Variants in ANKRD18A observed in about 807,000 individuals in gnomAD.
ANKRD18A encodes ankyrin repeat domain 18A.
ANKRD18A carries 72 observed loss-of-function variants against 110.6 expected under a neutral mutation model. That is an observed-to-expected ratio of 0.65 (90% confidence interval 0.54 to 0.79). The LOEUF (loss-of-function observed/expected upper bound fraction) is 0.79, where lower values mean the gene tolerates loss of function less well. ANKRD18A is among the 30% of genes least tolerant of loss of function. The probability of loss-of-function intolerance (pLI) is 0.00; values close to 1 mark genes in which losing one functional copy is unlikely to be tolerated. For missense variants in ANKRD18A, 934 were observed against 1,163.3 expected (o/e 0.80, Z 2.87); for synonymous variants, 305 against 410.3 (o/e 0.74, Z 3.10).
chr9:38,567,592 C>CT (rs1823513276), downstream of ANKRD18A: 1 of 152,772 alleles, frequency 6.5e-6, no homozygotes, highest in Non-Finnish European at 1.5e-5. Context: ...CACATGTTGC[C>CT]TGCTCTCCAT....
At chr9:38,569,017 C>T (rs1823544904), downstream of ANKRD18A, 1 of 985,228 alleles carries the variant, frequency 1.0e-6, no homozygotes, top group South Asian at 4.7e-5. Context: ...TTCCCAAGGC[C>T]CAGGTGCCAT....
At chr9:38,570,084 C>T (rs1823584511), downstream of ANKRD18A, among the ~76,000 whole-genome samples, 1 of 152,148 alleles carries the variant, frequency 6.6e-6, no homozygotes, top group Non-Finnish European at 1.5e-5. Flanking sequence ...TTCCTACTGA[C>T]CAGGTGGCCC....
At chr9:38,603,243 C>T (rs1353932131) in intron 6 of ANKRD18A, 31 bp from the exon 7 acceptor site, 8 of 1,550,568 alleles carry the variant, frequency 5.2e-6, no homozygotes, top group South Asian at 1.2e-5. Flanking sequence ...TTAGATATTC[C>T]TTCTGGAAAA....
chr9:38,577,984 A>G lies in ANKRD18A; in HGVS notation c.2412T>C (p.Asn804=). 6.4e-7 allele frequency: 1 copy of G among 1,571,102 alleles called. No homozygotes were observed. Among genetic ancestry groups the G allele is most frequent in the Non-Finnish European group, 8.7e-7 (1 of 1,155,106 alleles). ...DKKMLEEEVL[N]LKTHMEKDMV... The stretch of plus-strand genomic sequence containing the variant: ...TATCTTTTTCCATATGTGTCTTAAG[A>G]TTTAATACTTCTTCTTCCAACATCT... The change falls in exon 13 of 16, where the codon AAT becomes AAC. Residue 804 remains asparagine, a synonymous_variant. Coordinates refer to ENST00000399703, the MANE Select transcript of ANKRD18A (RefSeq NM_147195.4).
At position 38,612,565 on chromosome 9, in the gene ANKRD18A, T is replaced by G. The variant is rs542571157; in HGVS notation, c.496-1244A>C. 1.5e-3 allele frequency among the ~76,000 whole-genome samples: 216 copies of G among 143,916 alleles called. 2 individuals are homozygous for G. The highest frequency in any genetic ancestry group is 2.4e-3 in the Non-Finnish European group (161 of 67,176). 94.4% of individuals were successfully genotyped at this position (143,916 alleles called of 152,430 possible). On this transcript the variant is annotated intron_variant, in intron 3 of 15. Coordinates refer to ENST00000399703, the MANE Select transcript of ANKRD18A (RefSeq NM_147195.4). The stretch of plus-strand genomic sequence containing the variant: ...TGGGGTCTCACACTGTCACCCAGGC[T>G]GCAGTGCAGTGGCATGATCTCCGCT...
intron 9 of ANKRD18A, 106 bp from the exon 10 acceptor site, chr9:38,594,015 G>C (rs1824766900): frequency 2.6e-6 from 3 of 1,160,250 alleles, no homozygotes; most frequent in South Asian, 4.8e-5. Flanking sequence ...CACACACACA[G>C]ATTCACTTTC....
chr9:38,606,849 T>TATACATA (rs1364808385), intron 6 of ANKRD18A, among the ~76,000 whole-genome samples: 1 of 152,130 alleles, frequency 6.6e-6, no homozygotes, highest in African/African-American at 2.4e-5. Context: ...TAATTTCTTA[T>TATACATA]TTATATTAAT....
intron 12 of ANKRD18A, among the ~76,000 whole-genome samples, chr9:38,584,038 A>G (rs533449840): frequency 5.3e-5 from 8 of 152,220 alleles, no homozygotes; most frequent in Non-Finnish European, 1.2e-4. Context: ...CCTTATGCAG[A>G]GGAGGAGCCT....
At chr9:38,596,495 G>C (rs898498370) in intron 8 of ANKRD18A, 92 bp from the exon 9 acceptor site, 3 of 1,144,468 alleles carry the variant, frequency 2.6e-6, no homozygotes, top group Admixed American at 7.2e-5. Context: ...ATACATTCAT[G>C]CAATTAAAAG....
intron 15 of ANKRD18A, among the ~76,000 whole-genome samples, chr9:38,573,700 C>T (rs548433570): frequency 2.7e-5 from 4 of 150,090 alleles, no homozygotes; most frequent in Non-Finnish European, 5.9e-5. Context: ...AGTGACAGAG[C>T]GAAACTCCAT....
chr9:38,614,608 A>G (rs1258293663), intron 3 of ANKRD18A, among the ~76,000 whole-genome samples: 1 of 152,158 alleles, frequency 6.6e-6, no homozygotes, highest in African/African-American at 2.4e-5. Context: ...CAATCACTTC[A>G]GTTTCATCTC....
intron 11 of ANKRD18A, among the ~76,000 whole-genome samples, chr9:38,586,735 T>C (rs189991443): frequency 6.6e-6 from 1 of 152,226 alleles, no homozygotes. Context: ...CTGGCTAATT[T>C]TGTATTTTTA....
At chr9:38,567,019 A>G (rs1823499149), downstream of ANKRD18A, 1 of 152,246 alleles carries the variant, frequency 6.6e-6, no homozygotes, top group South Asian at 2.1e-4. Context: ...ATCTTTGAAT[A>G]TAAAGACATC....
At chr9:38,583,520 G>C (rs373881191) in intron 12 of ANKRD18A, among the ~76,000 whole-genome samples, 70 of 152,246 alleles carry the variant, frequency 4.6e-4, no homozygotes, top group African/African-American at 1.6e-3. Flanking sequence ...CTCCTGAGTA[G>C]CTGGGATTAC....
At chr9:38,584,467 A>G (rs1824288032) in intron 12 of ANKRD18A, among the ~76,000 whole-genome samples, 1 of 152,244 alleles carries the variant, frequency 6.6e-6, no homozygotes, top group Non-Finnish European at 1.5e-5. Context: ...GTGTTCTAAA[A>G]TTGATGTAAT....
In ANKRD18A at chr9:38,620,103, C is replaced by T. The variant is rs1419255576; in HGVS notation, c.183G>A (p.Leu61=). The change falls in exon 1 of 16, where the codon TTG becomes TTA. Residue 61 remains leucine, a synonymous_variant. Coordinates refer to ENST00000399703, the MANE Select transcript of ANKRD18A (RefSeq NM_147195.4). ...ERCLTRRFRD[L]DARDRKDRTV... ...ACCTGTCTTTTCTGTCGCGGGCGTC[C>T]AAGTCCCGGAACCTGCGCGTCAGGC... 1.9e-6 allele frequency: 3 copies of T among 1,556,272 alleles called. No individual in the cohort carries two copies. In the African/African-American group the frequency reaches 4.1e-5, roughly 21 times the overall value.
intron 12 of ANKRD18A, among the ~76,000 whole-genome samples, chr9:38,579,119 G>A (rs987872886): frequency 4.6e-5 from 7 of 152,126 alleles, no homozygotes; most frequent in Admixed American, 2.6e-4. Context: ...AATGAATAGC[G>A]CTGGGAAACT....
At chr9:38,577,511 A>G (rs1251260175) in intron 13 of ANKRD18A, among the ~76,000 whole-genome samples, 3 of 152,204 alleles carry the variant, frequency 2.0e-5, no homozygotes, top group Non-Finnish European at 4.4e-5. Context: ...AAAAAGTAAT[A>G]GAATCCATTT....
intron 6 of ANKRD18A, chr9:38,604,805 T>C (rs892543877): frequency 4.7e-5 from 7 of 149,260 alleles, no homozygotes; most frequent in East Asian, 2.0e-4. Flanking sequence ...TATTTTTTTT[T>C]TGCACTAGTA....
Sources: gnomAD v4.1 joint callset for allele counts (sites outside exome capture counted in the v4.1 genomes callset) on GRCh38, gnomAD v4.1.1 for gene constraint, MANE v1.5 for transcripts, NCBI Gene and HGNC (gene_info 2026-07-23, HGNC 2026-07-21) for gene names.